Variants in RTL4 observed in about 807,000 individuals in gnomAD.
RTL4 encodes the protein retrotransposon Gag-like protein 4.
Under a neutral mutation model 5.3 loss-of-function variants are expected in RTL4, and 4 were observed. The observed-to-expected ratio is 0.75, with a 90% CI of 0.37 to 1.72. RTL4 has a LOEUF of 1.72. RTL4 is among the 40% of genes most tolerant of loss of function. The pLI, the probability that RTL4 is intolerant of heterozygous loss-of-function variation, is 0.04. For missense variants in RTL4, 260 were observed against 227.1 expected (o/e 1.14, Z -0.93); for synonymous variants, 98 against 87.3 (o/e 1.12, Z -0.68).
chrX:112,189,151 TG>T, the RTL4 span, among the ~76,000 whole-genome samples: 1 of 111,176 alleles, frequency 9.0e-6, no homozygotes, highest in Non-Finnish European at 1.9e-5. Flanking sequence ...CCCAGCAGTT[TG>T]GGAGGCCAAG....
the RTL4 span, among the ~76,000 whole-genome samples, chrX:112,349,196 G>A: frequency 3.6e-5 from 4 of 110,709 alleles, no homozygotes; most frequent in Non-Finnish European, 7.6e-5. Context: ...ACTATATAAC[G>A]GGTTCTGACA....
chrX:112,419,510 T>A, the RTL4 span, among the ~76,000 whole-genome samples: 2 of 38,910 alleles, frequency 5.1e-5, no homozygotes, highest in East Asian at 1.8e-3. Context: ...CAGGCATGCA[T>A]CACCACCCAT....
At chrX:112,289,221 G>C in the RTL4 span, among the ~76,000 whole-genome samples, 2 of 111,796 alleles carry the variant, frequency 1.8e-5, no homozygotes, top group African/African-American at 6.5e-5. Flanking sequence ...CTTTTCATGA[G>C]TTCAGCAATA....
chrX:112,263,200 T>TTA, the RTL4 span, among the ~76,000 whole-genome samples: 1 of 86,561 alleles, frequency 1.2e-5, no homozygotes, highest in African/African-American at 4.1e-5. Context: ...ACTTAAAGTA[T>TTA]AAAAAAAAAA....
At chrX:112,132,786 A>T in the RTL4 span, among the ~76,000 whole-genome samples, 3 of 112,145 alleles carry the variant, frequency 2.7e-5, no homozygotes, top group Non-Finnish European at 5.6e-5. Context: ...AGAAGGTTAA[A>T]TTTTTTCCTA....
At chrX:112,270,240 G>A in the RTL4 span, among the ~76,000 whole-genome samples, 1 of 112,142 alleles carries the variant, frequency 8.9e-6, no homozygotes, top group Admixed American at 9.5e-5. Flanking sequence ...TTCTTACGTG[G>A]CATAACTGGT....
chrX:112,194,631 C>T, the RTL4 span, among the ~76,000 whole-genome samples: 5 of 111,909 alleles, frequency 4.5e-5, no homozygotes, highest in Admixed American at 3.8e-4. Flanking sequence ...ATGACTCTGA[C>T]CTTAACCTGA....
chrX:112,438,864 G>A, the RTL4 span, among the ~76,000 whole-genome samples: 1 of 112,185 alleles, frequency 8.9e-6, no homozygotes, highest in Non-Finnish European at 1.9e-5. Flanking sequence ...TGAATTGAGA[G>A]CTTGTTTTAT....
At chrX:112,369,761 C>A in the RTL4 span, among the ~76,000 whole-genome samples, 1 of 111,779 alleles carries the variant, frequency 8.9e-6, no homozygotes. Context: ...GCTAGAAGAC[C>A]ACCTAGGAGT....
the RTL4 span, among the ~76,000 whole-genome samples, chrX:112,261,244 G>C: frequency 2.7e-5 from 3 of 111,509 alleles, no homozygotes; most frequent in Non-Finnish European, 5.7e-5. Context: ...AAAAGAGGAA[G>C]TCAAATTGTC....
At chrX:112,105,959 G>C in the RTL4 span, among the ~76,000 whole-genome samples, 1 of 111,550 alleles carries the variant, frequency 9.0e-6, no homozygotes, top group Non-Finnish European at 1.9e-5. Context: ...TTTTGTTCCT[G>C]ATCTTACAGA....
chrX:112,444,645 T>A, the RTL4 span, among the ~76,000 whole-genome samples: 4 of 111,842 alleles, frequency 3.6e-5, no homozygotes, highest in African/African-American at 1.3e-4. Context: ...GTAAAGTCAT[T>A]GAGTTCTAGG....
chrX:112,092,227 GAAAT>G, the RTL4 span, among the ~76,000 whole-genome samples: 9 of 111,676 alleles, frequency 8.1e-5, no homozygotes, highest in East Asian at 2.5e-3. Context: ...ATTACTGTAA[GAAAT>G]AACTTACTTC....
chrX:112,255,370 C>T, the RTL4 span, among the ~76,000 whole-genome samples: 10 of 111,771 alleles, frequency 8.9e-5, no homozygotes, highest in Non-Finnish European at 1.5e-4. Flanking sequence ...CAAGATACAA[C>T]GTATGGAGAC....
At chrX:112,164,011 T>C in the RTL4 span, among the ~76,000 whole-genome samples, 5 of 112,099 alleles carry the variant, frequency 4.5e-5, no homozygotes, top group East Asian at 1.4e-3. Flanking sequence ...ATGCCTCCCT[T>C]TGCAACCTCA....
At chrX:112,326,200 C>T in the RTL4 span, among the ~76,000 whole-genome samples, 5 of 111,644 alleles carry the variant, frequency 4.5e-5, no homozygotes, top group African/African-American at 1.3e-4. Context: ...CCAGCATGAG[C>T]GACACAGAAG....
chrX:112,137,007 A>G, the RTL4 span, among the ~76,000 whole-genome samples: 1 of 111,869 alleles, frequency 8.9e-6, no homozygotes, highest in Admixed American at 9.5e-5. Context: ...AAAATAGACA[A>G]GTGAAATTAT....
the RTL4 span, among the ~76,000 whole-genome samples, chrX:112,156,251 T>G: frequency 8.9e-6 from 1 of 112,711 alleles, no homozygotes; most frequent in East Asian, 2.8e-4. Flanking sequence ...TTCAGTTATT[T>G]TACATATTAC....
chrX:112,206,423 T>A, the RTL4 span, among the ~76,000 whole-genome samples: 1 of 111,414 alleles, frequency 9.0e-6, no homozygotes, highest in South Asian at 3.8e-4. Flanking sequence ...CTTTTCTGTA[T>A]TTATCTTACT....
Sources: gnomAD v4.1 joint callset for allele counts (sites outside exome capture counted in the v4.1 genomes callset) on GRCh38, gnomAD v4.1.1 for gene constraint, MANE v1.5 for transcripts, NCBI Gene and HGNC (gene_info 2026-07-23, HGNC 2026-07-21) for gene names.